Variants in SPTBN1 observed in about 807,000 individuals in gnomAD.
The protein encoded by SPTBN1 is spectrin beta chain, non-erythrocytic 1.
In SPTBN1, 32 loss-of-function variants were observed where a neutral mutation model predicts 266.4. That is an observed-to-expected ratio of 0.12 (90% confidence interval 0.09 to 0.16). SPTBN1 has a LOEUF of 0.16. Among genes scored for constraint, SPTBN1 ranks in the 10% least tolerant of loss-of-function variants. The pLI is 1.00. For missense variants in SPTBN1, 2,296 were observed against 3,067.1 expected (o/e 0.75, Z 5.94); for synonymous variants, 1,336 against 1,162.2 (o/e 1.15, Z -3.04).
chr2:54,592,915 G>C (rs563723402), intron 2 of SPTBN1, among the ~76,000 whole-genome samples: 1 of 152,330 alleles, frequency 6.6e-6, no homozygotes, highest in East Asian at 1.9e-4. Flanking sequence ...CTTTGCTAGA[G>C]ATAACTCTAG....
At chr2:54,498,680 A>G (rs1669097052) in intron 1 of SPTBN1, among the ~76,000 whole-genome samples, 1 of 152,214 alleles carries the variant, frequency 6.6e-6, no homozygotes, top group Non-Finnish European at 1.5e-5. Flanking sequence ...GATCCATACT[A>G]TATTTTTTTT....
chr2:54,556,557 G>T (rs1202975013), intron 2 of SPTBN1, among the ~76,000 whole-genome samples: 2 of 152,126 alleles, frequency 1.3e-5, no homozygotes, highest in African/African-American at 2.4e-5. Context: ...CAGTGCCATA[G>T]CTGGACACTT....
chr2:54,535,157 A>G (rs775216021), intron 2 of SPTBN1: 3 of 152,274 alleles, frequency 2.0e-5, no homozygotes, highest in East Asian at 3.8e-4. Flanking sequence ...GCAAAAGAGG[A>G]AAAATGTATG....
chr2:54,599,207 C>T lies in SPTBN1; in HGVS notation c.264C>T (p.Leu88=), dbSNP rs1484220985. 2 of 1,614,156 alleles carry T rather than the reference C, an allele frequency of 1.2e-6. No individual in the cohort carries two copies. The highest frequency in any genetic ancestry group is 1.1e-5 in the South Asian group (1 of 91,074). Reference sequence around the variant, plus strand: ...CTGACCTTCGAGATGGACGGATGCTCATCAAGCTGCTGGAGGTCCTCTCTG... The same window carrying T: ...CTGACCTTCGAGATGGACGGATGCTTATCAAGCTGCTGGAGGTCCTCTCTG... ...LYTDLRDGRM[L]IKLLEVLSGE... The change falls in exon 3 of 36, where the codon CTC becomes CTT. Residue 88 remains leucine (L), a synonymous_variant. Transcript: ENST00000356805.
At chr2:54,525,725 T>A (rs2104319959) in intron 1 of SPTBN1, among the ~76,000 whole-genome samples, 1 of 152,310 alleles carries the variant, frequency 6.6e-6, no homozygotes, top group South Asian at 2.1e-4. Context: ...CTACCTCCGA[T>A]AACATTTCTT....
intron 3 of SPTBN1, among the ~76,000 whole-genome samples, chr2:54,609,666 C>T (rs1330116062): frequency 6.6e-6 from 1 of 151,890 alleles, no homozygotes; most frequent in Non-Finnish European, 1.5e-5. Context: ...GCCAGTAGAC[C>T]ATGTCAGTGC....
At position 54,653,794 on chromosome 2, in the gene SPTBN1, C is replaced by A; in HGVS notation, c.5763C>A (p.Arg1921=). The change falls in exon 27 of 36, where the codon CGC becomes CGA. Residue 1921 remains arginine, a synonymous_variant. Transcript: ENST00000356805. The surrounding 1 kb of genome is among the most constrained non-coding windows in gnomAD (Gnocchi z 5.1). ...GDKFRFFSMV[R]DLMLWMEDVI... is the part of the protein sequence containing the mutation. ...AGTTCCGCTTCTTCAGCATGGTGCG[C>A]GACCTCATGCTCTGGATGGAGGATG... The A allele has an allele frequency of 1.9e-6, 3 of 1,614,198 alleles. No homozygotes were observed. Among genetic ancestry groups the A allele is most frequent in the Non-Finnish European group, 2.5e-6 (3 of 1,180,024 alleles).
Position 54,653,807 on chromosome 2 carries a change from T to C in SPTBN1, c.5776T>C (p.Trp1926Arg), listed in dbSNP as rs1350345569. 11 of 1,613,832 alleles carry C rather than the reference T, an allele frequency of 6.8e-6. No individual in the cohort carries two copies. The highest frequency in any genetic ancestry group is 9.3e-6 in the Non-Finnish European group (11 of 1,179,942). ...FFSMVRDLML[W>R]MEDVIRQIEA... ...CAGCATGGTGCGCGACCTCATGCTC[T>C]GGATGGAGGATGTCATCCGGCAGAT... is the stretch of plus-strand genomic sequence containing the variant. Residue 1926 changes from tryptophan to arginine, a missense_variant, in exon 27 of 36, where the codon TGG becomes CGG. By Grantham distance (101) the Trp-to-Arg change is moderately radical. Transcript: ENST00000356805. The surrounding 1 kb of genome is among the most constrained non-coding windows in gnomAD (Gnocchi z 5.1).
chr2:54,654,652 T>C (rs1010775266), intron 27 of SPTBN1, among the ~76,000 whole-genome samples: 1 of 152,194 alleles, frequency 6.6e-6, no homozygotes, highest in Non-Finnish European at 1.5e-5. Context: ...CTCTTTGATA[T>C]GGCCATCCTG....
At chr2:54,555,281 T>C (rs1672801843) in intron 2 of SPTBN1, among the ~76,000 whole-genome samples, 2 of 152,174 alleles carry the variant, frequency 1.3e-5, no homozygotes, top group Non-Finnish European at 2.9e-5. Flanking sequence ...AGTTTTGAGC[T>C]CTAGTTCCAC....
chr2:54,519,089 G>T (rs1473502344), intron 1 of SPTBN1, among the ~76,000 whole-genome samples: 1 of 152,140 alleles, frequency 6.6e-6, no homozygotes, highest in South Asian at 2.1e-4. Flanking sequence ...TGTTTCAGGC[G>T]TTGTGACTGA....
rs375742946 is a variant in SPTBN1, at chr2:54,588,327, A to T, written c.149-10765A>T. Among the ~76,000 whole-genome samples, 8 of 151,946 alleles carry T rather than the reference A, an allele frequency of 5.3e-5. No homozygotes were observed. The East Asian group carries it at 1.5e-3, about 29-fold the overall frequency. On this transcript the variant is annotated intron_variant, in intron 2 of 35. Transcript: ENST00000356805. ...TAATCTTTTAACTCAGTCTGAAGGA[A>T]CTGACCAGACATGGATGGTTATGAG...
At chr2:54,468,869 G>T (rs1169107205) in intron 1 of SPTBN1, among the ~76,000 whole-genome samples, 1 of 152,192 alleles carries the variant, frequency 6.6e-6, no homozygotes, top group East Asian at 1.9e-4. Context: ...TCTGATTTCA[G>T]AGTCTTTGAA....
intron 1 of SPTBN1, among the ~76,000 whole-genome samples, chr2:54,525,767 G>C (rs1450498399): frequency 6.6e-6 from 1 of 152,112 alleles, no homozygotes. Flanking sequence ...GTCTCGCTCT[G>C]TTGCCCAGGC....
intron 27 of SPTBN1, among the ~76,000 whole-genome samples, chr2:54,654,630 C>G (rs1485783305): frequency 1.3e-5 from 2 of 152,142 alleles, no homozygotes; most frequent in African/African-American, 4.8e-5. Flanking sequence ...AATAAGGAGA[C>G]CGTATTAGCT....
At chr2:54,622,525 A>C in intron 9 of SPTBN1, 38 bp downstream of exon 9, 1 of 1,601,060 alleles carries the variant, frequency 6.2e-7, no homozygotes. Flanking sequence ...TAATATGGAA[A>C]GACACATCAC....
In SPTBN1 at chr2:54,667,056, C is replaced by T. The variant is rs376308818; in HGVS notation, c.6834-548C>T. On this transcript the variant is annotated intron_variant, in intron 34 of 35. Transcript: ENST00000356805. ...TACACAACAGTACCCTCGTCCTCTCCGCAGCCACAGAGTGAACCTGTGACC... is the reference window on the plus strand; with the variant it reads ...TACACAACAGTACCCTCGTCCTCTCTGCAGCCACAGAGTGAACCTGTGACC... Among the ~76,000 whole-genome samples, 99 of 152,312 alleles carry T rather than the reference C, an allele frequency of 6.5e-4. 1 individual carries two copies. The highest frequency in any genetic ancestry group is 1.6e-3 in the Admixed American group (25 of 15,308).
intron 2 of SPTBN1, among the ~76,000 whole-genome samples, chr2:54,579,906 C>G (rs2104565370): frequency 6.6e-6 from 1 of 152,358 alleles, no homozygotes; most frequent in South Asian, 2.1e-4. Flanking sequence ...ACCCAAACCT[C>G]TGTGCTGAAC....
At chr2:54,647,452 T>A (rs550206548) in intron 24 of SPTBN1, among the ~76,000 whole-genome samples, 191 bp downstream of exon 24, 1 of 152,228 alleles carries the variant, frequency 6.6e-6, no homozygotes, top group Non-Finnish European at 1.5e-5. Context: ...TGAACTGTTA[T>A]ATTAGGAAAT....
Sources: allele counts gnomAD v4.1 joint callset (sites outside exome capture counted in the v4.1 genomes callset), GRCh38; gene constraint gnomAD v4.1.1; non-coding constraint Gnocchi (gnomAD v3.1); transcripts MANE v1.5; gene names NCBI Gene and HGNC (gene_info 2026-07-23, HGNC 2026-07-21).